C8orf34: variants seen among roughly 807,000 people sequenced by gnomAD.
C8orf34 encodes chromosome 8 open reading frame 34.
A neutral mutation model predicts 68.3 loss-of-function variants in C8orf34; 65 were observed. The observed-to-expected ratio is 0.95, with a 90% CI of 0.78 to 1.17. C8orf34 has a LOEUF of 1.17. Among genes scored for constraint, C8orf34 ranks in the 50% most tolerant of loss-of-function variants. The pLI is 0.00. For synonymous variants in C8orf34, 244 were observed against 241.2 expected (o/e 1.01, Z -0.11); for missense variants, 664 against 655.4 (o/e 1.01, Z -0.14).
At chr8:68,389,515 A>G (rs1036248625) in intron 1 of C8orf34, among the ~76,000 whole-genome samples, 1 of 152,192 alleles carries the variant, frequency 6.6e-6, no homozygotes, top group Non-Finnish European at 1.5e-5. Flanking sequence ...TTATGGGCAC[A>G]TTTTAAGCAC....
chr8:68,685,073 T>G (rs994159381), intron 8 of C8orf34, among the ~76,000 whole-genome samples: 2 of 152,138 alleles, frequency 1.3e-5, no homozygotes, highest in African/African-American at 4.8e-5. Flanking sequence ...GTTTTAACTC[T>G]TATACTAAGG....
At chr8:68,556,029 C>T (rs562538186) in intron 7 of C8orf34, among the ~76,000 whole-genome samples, 15 of 152,152 alleles carry the variant, frequency 9.9e-5, no homozygotes, top group African/African-American at 3.4e-4. Flanking sequence ...AGTCAGTCAG[C>T]CACATTAGTA....
chr8:68,778,482 A>C (rs915480030), intron 11 of C8orf34, among the ~76,000 whole-genome samples: 1 of 152,120 alleles, frequency 6.6e-6, no homozygotes, highest in African/African-American at 2.4e-5. Flanking sequence ...GCAATTAGAC[A>C]ATTTTGTTTA....
chr8:68,654,900 A>T lies in C8orf34; in HGVS notation c.1241+14389A>T, dbSNP rs1302795116. On this transcript the variant is annotated intron_variant, in intron 8 of 13. Transcript: ENST00000518698. ...GTGTCAAGAATATTTTGAAACTAGT[A>T]TATATAAACTAGAATAAAATTACAC... Among the ~76,000 whole-genome samples, 6 of 152,180 alleles carry T rather than the reference A, an allele frequency of 3.9e-5. No homozygotes were observed. In the East Asian group the frequency reaches 1.2e-3, roughly 29 times the overall value.
chr8:68,414,476 G>A (rs1193258236), intron 1 of C8orf34, among the ~76,000 whole-genome samples: 1 of 152,110 alleles, frequency 6.6e-6, no homozygotes, highest in Non-Finnish European at 1.5e-5. Context: ...CATGATAGGA[G>A]GAAATTTTTT....
At chr8:68,524,487 C>T (rs1243607951) in intron 6 of C8orf34, among the ~76,000 whole-genome samples, 1 of 152,140 alleles carries the variant, frequency 6.6e-6, no homozygotes, top group Non-Finnish European at 1.5e-5. Context: ...GGAGTCCTGC[C>T]ACATCTTTCT....
intron 8 of C8orf34, among the ~76,000 whole-genome samples, chr8:68,697,194 C>G (rs1820860015): frequency 6.6e-6 from 1 of 151,760 alleles, no homozygotes; most frequent in East Asian, 1.9e-4. Context: ...TTTAATATTT[C>G]TTGATATTTC....
chr8:68,534,482 T>C (rs1375941144), intron 7 of C8orf34: 14 of 592,682 alleles, frequency 2.4e-5, no homozygotes, highest in Non-Finnish European at 3.0e-5. Flanking sequence ...AATACGTCAC[T>C]ACCTGTGCTA....
chr8:68,444,644 A>G (rs2129626537), intron 2 of C8orf34, among the ~76,000 whole-genome samples: 1 of 152,274 alleles, frequency 6.6e-6, no homozygotes. Flanking sequence ...CATGTTTACT[A>G]TTAAAATTTT....
intron 2 of C8orf34, among the ~76,000 whole-genome samples, chr8:68,442,460 C>T (rs1382171562): frequency 1.3e-5 from 2 of 152,050 alleles, no homozygotes; most frequent in African/African-American, 2.4e-5. Context: ...TGTGTTACTA[C>T]CTCAAGGGTG....
At chr8:68,616,552 G>A (rs1046701207) in intron 7 of C8orf34, among the ~76,000 whole-genome samples, 1 of 152,174 alleles carries the variant, frequency 6.6e-6, no homozygotes, top group African/African-American at 2.4e-5. Context: ...TATGTACCTG[G>A]TAGTCATTCA....
At chr8:68,461,043 A>G (rs1214578298) in intron 3 of C8orf34, among the ~76,000 whole-genome samples, 1 of 152,220 alleles carries the variant, frequency 6.6e-6, no homozygotes, top group Non-Finnish European at 1.5e-5. Context: ...AAAAACTTTG[A>G]AAAAATTTAG....
Position 68,471,627 on chromosome 8 carries a change from T to C in C8orf34, c.736+2807T>C, listed in dbSNP as rs539418824. ...CATTGTTTTAATTACTAGGAAGACATAGGGGATGGGATTTTCCTCCAGGTA... is the reference window on the plus strand; with the variant it reads ...CATTGTTTTAATTACTAGGAAGACACAGGGGATGGGATTTTCCTCCAGGTA... On this transcript the variant is annotated intron_variant, in intron 4 of 13. Transcript: ENST00000518698. Among the ~76,000 whole-genome samples, 3 of 152,220 alleles carry C rather than the reference T, an allele frequency of 2.0e-5. No individual in the cohort carries two copies. The East Asian group carries it at 5.8e-4, about 29-fold the overall frequency.
At chr8:68,786,926 T>C (rs558406321) in intron 11 of C8orf34, among the ~76,000 whole-genome samples, 1 of 152,232 alleles carries the variant, frequency 6.6e-6, no homozygotes, top group South Asian at 2.1e-4. Context: ...CTGCTTTAGT[T>C]CAATGACAGA....
chr8:68,552,139 A>T (rs2130064926), intron 7 of C8orf34, among the ~76,000 whole-genome samples: 1 of 152,226 alleles, frequency 6.6e-6, no homozygotes, highest in African/African-American at 2.4e-5. Context: ...TAGCTATGTG[A>T]TATGTTTGGA....
chr8:68,353,367 A>T (rs1164501880), intron 1 of C8orf34, among the ~76,000 whole-genome samples: 1 of 151,948 alleles, frequency 6.6e-6, no homozygotes, highest in Admixed American at 6.6e-5. Context: ...TTTTGGAGGG[A>T]TGGGGGAAGT....
intron 4 of C8orf34, among the ~76,000 whole-genome samples, chr8:68,480,609 T>C (rs1394322590): frequency 6.6e-6 from 1 of 152,184 alleles, no homozygotes; most frequent in Non-Finnish European, 1.5e-5. Flanking sequence ...CCGATAGTGA[T>C]ATGAACAATA....
At chr8:68,503,966 T>A (rs1251784129) in intron 5 of C8orf34, among the ~76,000 whole-genome samples, 1 of 152,178 alleles carries the variant, frequency 6.6e-6, no homozygotes, top group Non-Finnish European at 1.5e-5. Flanking sequence ...CCTTTTAAAG[T>A]ATATGGTTTA....
Position 68,698,830 on chromosome 8 carries a change from T to G in C8orf34, c.1242-10164T>G, listed in dbSNP as rs1482564255. ...CCTCATATTTGGGAAGAAAATTTAG[T>G]GTTCAGCAAAAATTCAATACCCAGC... On this transcript the variant is annotated intron_variant, in intron 8 of 13. Coordinates refer to ENST00000518698, the MANE Select transcript of C8orf34 (RefSeq NM_052958.4). 3.3e-5 allele frequency among the ~76,000 whole-genome samples: 5 copies of G among 152,002 alleles called. No individual in the cohort carries two copies. The East Asian group carries it at 9.7e-4, about 30-fold the overall frequency.
Sources: allele counts gnomAD v4.1 joint callset (sites outside exome capture counted in the v4.1 genomes callset), GRCh38; gene constraint gnomAD v4.1.1; transcripts MANE v1.5; gene names NCBI Gene and HGNC (gene_info 2026-07-23, HGNC 2026-07-21).